The following SDK2 variants were observed in gnomAD, a reference collection of about 807,000 sequenced individuals.
SDK2 encodes the protein sidekick cell adhesion molecule 2.
A neutral mutation model predicts 253.9 loss-of-function variants in SDK2; 105 were observed. The ratio of observed to expected loss-of-function variants is 0.41; its 90% CI spans 0.35 to 0.49. The LOEUF (loss-of-function observed/expected upper bound fraction) is 0.49. Among genes scored for constraint, SDK2 ranks in the 20% least tolerant of loss-of-function variants. SDK2 has a pLI of 0.06. For missense variants in SDK2, 2,608 were observed against 3,003.0 expected (o/e 0.87, Z 3.07); for synonymous variants, 1,249 against 1,234.9 (o/e 1.01, Z -0.24).
intron 18 of SDK2, among the ~76,000 whole-genome samples, chr17:73,413,942 G>A (rs1420521887): frequency 5.9e-5 from 9 of 152,094 alleles, no homozygotes; most frequent in Admixed American, 3.3e-4. Context: ...CTGGGGATAC[G>A]TTTGAGCATG....
intron 36 of SDK2, chr17:73,369,238 G>T: frequency 2.2e-6 from 1 of 463,650 alleles, no homozygotes. Context: ...GCTGAGCTGG[G>T]GAGATAAGGC....
In SDK2 at chr17:73,393,665, C is replaced by T. The variant is rs200982400; in HGVS notation, c.3793G>A (p.Gly1265Ser). ...TCATAGAGCACGTATTTGCCCAAGC[C>T]GGTGAGCTGGGCACTGCGAGACGAG... ...GNSSRSAQLT[G>S]LGKYVLYEVQ... Residue 1265 changes from glycine (G) to serine (S), a missense_variant, in exon 27 of 45, where the codon GGC (glycine) becomes AGC (serine). Around this residue, in one of 2 missense-constraint regions of SDK2, gnomAD observed 1,505 missense variants for 1,859.1 expected, o/e 0.81. Coordinates refer to ENST00000392650, the MANE Select transcript of SDK2 (RefSeq NM_001144952.2). 64 of 1,600,500 alleles carry T rather than the reference C, an allele frequency of 4.0e-5. No homozygotes were observed. The highest frequency in any genetic ancestry group is 9.0e-5 in the East Asian group (4 of 44,480).
In SDK2 at chr17:73,570,726, A is replaced by G. The variant is rs187663972; in HGVS notation, c.65-63129T>C. Among the ~76,000 whole-genome samples the G allele has an allele frequency of 6.6e-6, 1 of 152,310 alleles. No homozygotes were observed. Among genetic ancestry groups the G allele is most frequent in the East Asian group, 1.9e-4 (1 of 5,178 alleles). On this transcript the variant is annotated intron_variant, in intron 1 of 44. Coordinates refer to ENST00000392650, the MANE Select transcript of SDK2 (RefSeq NM_001144952.2). The surrounding 1 kb of genome is among the most constrained non-coding windows in gnomAD (Gnocchi z 4.2). The stretch of plus-strand genomic sequence containing the variant: ...AGTCCTTGCCCGTGGCAGAACTCAT[A>G]TCAAAGCCAGGTCAGTCTCTAACAC...
chr17:73,567,048 A>G (rs1390939532), intron 1 of SDK2, among the ~76,000 whole-genome samples: 1 of 152,206 alleles, frequency 6.6e-6, no homozygotes, highest in African/African-American at 2.4e-5. Context: ...ACACTGGAAA[A>G]AAAAAGACCT....
In SDK2 at chr17:73,469,992, GCACACACACACACACACA is replaced by G. The variant is rs34448667; in HGVS notation, c.331+2102_331+2119del. ...ATGGCATTTGCGACTGCGCGCGCGC[GCACACACACACACACACA>G]CACACACACACACACACACACACAG... On this transcript the variant is annotated intron_variant, in intron 3 of 44. Coordinates refer to ENST00000392650, the MANE Select transcript of SDK2 (RefSeq NM_001144952.2). 5.8e-4 allele frequency among the ~76,000 whole-genome samples: 73 copies of G among 126,264 alleles called. No homozygotes were observed. The South Asian group carries it at 8.5e-3, about 15-fold the overall frequency. The allele number at this position is 126,264 out of a possible 152,430, so 82.8% of individuals were successfully genotyped here. A position where few individuals can be genotyped will look rare whatever the true frequency, so the allele number is the denominator to read the frequency against.
At chr17:73,573,593 C>G (rs1599691243) in intron 1 of SDK2, among the ~76,000 whole-genome samples, 1 of 152,190 alleles carries the variant, frequency 6.6e-6, no homozygotes, top group African/African-American at 2.4e-5. Flanking sequence ...CTAACTGCTG[C>G]TCACCACCCA....
At chr17:73,499,790 A>C (rs371111349) in intron 2 of SDK2, among the ~76,000 whole-genome samples, 9 of 152,146 alleles carry the variant, frequency 5.9e-5, no homozygotes, top group Admixed American at 1.3e-4. Flanking sequence ...AGATGACGGC[A>C]GTAAAGGACT....
intron 18 of SDK2, among the ~76,000 whole-genome samples, chr17:73,411,710 A>G (rs2063126822): frequency 6.6e-6 from 1 of 151,828 alleles, no homozygotes; most frequent in South Asian, 2.1e-4. Flanking sequence ...GTGTTCCAGG[A>G]TGGGAGGACT....
At chr17:73,535,187 T>C (rs2044753832) in intron 1 of SDK2, among the ~76,000 whole-genome samples, 1 of 152,194 alleles carries the variant, frequency 6.6e-6, no homozygotes, top group African/African-American at 2.4e-5. Context: ...CCCTCTCTTG[T>C]GAATAGGCTG....
chr17:73,625,222 G>A lies in SDK2; in HGVS notation c.64+18803C>T, dbSNP rs537627594. ...GGACCAGACAAGCAGGCACCAGGGCGCGAGGCGGAATTCCACATCCTGCCT... is the reference window on the plus strand; with the variant it reads ...GGACCAGACAAGCAGGCACCAGGGCACGAGGCGGAATTCCACATCCTGCCT... On this transcript the variant is annotated intron_variant, in intron 1 of 44. Transcript: ENST00000392650. 1.4e-4 allele frequency among the ~76,000 whole-genome samples: 21 copies of A among 152,310 alleles called. No homozygotes were observed. In the South Asian group the frequency reaches 3.7e-3, roughly 27 times the overall value.
At chr17:73,499,191 C>G (rs1056065357) in intron 2 of SDK2, among the ~76,000 whole-genome samples, 3 of 152,230 alleles carry the variant, frequency 2.0e-5, no homozygotes, top group Admixed American at 6.5e-5. Flanking sequence ...AGCCGCTGGC[C>G]TGGGGAATTT....
intron 37 of SDK2, among the ~76,000 whole-genome samples, chr17:73,366,682 T>C (rs1282251498): frequency 6.6e-6 from 1 of 152,142 alleles, no homozygotes; most frequent in East Asian, 1.9e-4. Context: ...CCTGGACAAG[T>C]AGTATAACTT....
At chr17:73,507,393 A>G (rs1231888140) in intron 2 of SDK2, 45 bp downstream of exon 2, 1 of 1,525,056 alleles carries the variant, frequency 6.6e-7, no homozygotes, top group Non-Finnish European at 8.9e-7. Context: ...AAAGCAGGGC[A>G]GTGGTCCTGG....
At chr17:73,401,435 T>C (rs112284319) in intron 20 of SDK2, among the ~76,000 whole-genome samples, 23 of 152,276 alleles carry the variant, frequency 1.5e-4, no homozygotes, top group African/African-American at 5.5e-4. Context: ...TGAGTCATCA[T>C]GGCAGCCACT....
chr17:73,544,121 C>G (rs2044916803), intron 1 of SDK2, among the ~76,000 whole-genome samples: 1 of 152,228 alleles, frequency 6.6e-6, no homozygotes, highest in Non-Finnish European at 1.5e-5. Flanking sequence ...AAAGGTTTAT[C>G]CCATAATGAC....
intron 12 of SDK2, 25 bp from the exon 13 acceptor site, chr17:73,424,117 T>A (rs895762865): frequency 3.8e-6 from 6 of 1,593,720 alleles, no homozygotes; most frequent in Non-Finnish European, 3.4e-6. Flanking sequence ...AACCCGTAAG[T>A]ACAGAGGGAG....
At chr17:73,401,399 A>G (rs1599527757) in intron 20 of SDK2, among the ~76,000 whole-genome samples, 188 bp from the exon 21 acceptor site, 1 of 152,114 alleles carries the variant, frequency 6.6e-6, no homozygotes, top group African/African-American at 2.4e-5. Flanking sequence ...GGATGCCAGC[A>G]CTTTAGGGAA....
chr17:73,597,438 T>C lies in SDK2; in HGVS notation c.64+46587A>G, dbSNP rs1167031357. On this transcript the variant is annotated intron_variant, in intron 1 of 44. Coordinates refer to ENST00000392650, the MANE Select transcript of SDK2 (RefSeq NM_001144952.2). ...GGGGCCTCTCCTGTGATACTTTGCT[T>C]ATAGAACTCTGCGATGTGGACGTAT... Among the ~76,000 whole-genome samples the C allele has an allele frequency of 3.3e-5, 5 of 152,278 alleles. No homozygotes were observed. The East Asian group carries it at 7.7e-4, about 24-fold the overall frequency.
intron 5 of SDK2, among the ~76,000 whole-genome samples, chr17:73,442,902 T>G (rs2063427003): frequency 6.6e-6 from 1 of 151,950 alleles, no homozygotes; most frequent in Non-Finnish European, 1.5e-5. Flanking sequence ...TTTTGAGTTT[T>G]TTTTTTTAAA....
Sources: allele counts gnomAD v4.1 joint callset (sites outside exome capture counted in the v4.1 genomes callset), GRCh38; gene constraint gnomAD v4.1.1; regional missense constraint gnomAD v4.1.1; non-coding constraint Gnocchi (gnomAD v3.1); transcripts MANE v1.5; gene names NCBI Gene and HGNC (gene_info 2026-07-23, HGNC 2026-07-21).